PTPRK: variants seen among roughly 807,000 people sequenced by gnomAD.
PTPRK encodes the protein protein tyrosine phosphatase receptor type K, also known as receptor-type tyrosine-protein phosphatase kappa.
A neutral mutation model predicts 178.0 loss-of-function variants in PTPRK; 75 were observed. The observed-to-expected ratio is 0.42, with a 90% CI of 0.35 to 0.51. The LOEUF (loss-of-function observed/expected upper bound fraction) is 0.51, where lower values mean the gene tolerates loss of function less well. Among genes scored for constraint, PTPRK ranks in the 20% least tolerant of loss-of-function variants. PTPRK has a pLI of 0.02. For synonymous variants in PTPRK, 637 were observed against 620.6 expected, an observed-to-expected ratio of 1.03 and a Z score of -0.39; for missense variants, 1,441 against 1,797.8, an observed-to-expected ratio of 0.80 and a Z score of 3.59.
intron 6 of PTPRK, among the ~76,000 whole-genome samples, chr6:128,202,879 C>T (rs556822603): frequency 3.9e-5 from 6 of 152,164 alleles, no homozygotes; most frequent in Admixed American, 1.3e-4. Context: ...ATTAAGAAGG[C>T]GGGATTCTTC....
chr6:128,054,078 C>A (rs1779500437), intron 13 of PTPRK, among the ~76,000 whole-genome samples: 1 of 152,284 alleles, frequency 6.6e-6, no homozygotes, highest in African/African-American at 2.4e-5. Context: ...GTTGCCTTTA[C>A]AATGCAGTTT....
chr6:128,370,821 A>C (rs1314600241), intron 2 of PTPRK, among the ~76,000 whole-genome samples: 1 of 152,182 alleles, frequency 6.6e-6, no homozygotes, highest in African/African-American at 2.4e-5. Flanking sequence ...TTCATCATTA[A>C]AGTCAAATCT....
chr6:128,431,824 G>C (rs1195846010), intron 1 of PTPRK, among the ~76,000 whole-genome samples: 1 of 152,198 alleles, frequency 6.6e-6, no homozygotes, highest in Non-Finnish European at 1.5e-5. Context: ...AGCCAAGAGA[G>C]AATCCAAATG....
chr6:128,114,567 G>A (rs558767871), intron 7 of PTPRK, among the ~76,000 whole-genome samples: 31 of 150,394 alleles, frequency 2.1e-4, no homozygotes, highest in East Asian at 5.9e-4. Flanking sequence ...AGGTTGCAAT[G>A]AGCCAAGGTC....
At chr6:127,978,912 T>TCA (rs1415791438) in intron 25 of PTPRK, among the ~76,000 whole-genome samples, 1 of 152,222 alleles carries the variant, frequency 6.6e-6, no homozygotes, top group Admixed American at 6.5e-5. Flanking sequence ...AACCCTGTTC[T>TCA]TGTAAATCAA....
At chr6:128,127,703 T>C (rs1453014153) in intron 7 of PTPRK, among the ~76,000 whole-genome samples, 1 of 152,188 alleles carries the variant, frequency 6.6e-6, no homozygotes, top group African/African-American at 2.4e-5. Context: ...AAAATGGCTA[T>C]TTACAAACTC....
chr6:128,075,707 T>C (rs1445264847), intron 11 of PTPRK, among the ~76,000 whole-genome samples: 1 of 152,054 alleles, frequency 6.6e-6, no homozygotes, highest in Non-Finnish European at 1.5e-5. Flanking sequence ...ATAGAATCCA[T>C]TGGCGATTTT....
intron 1 of PTPRK, among the ~76,000 whole-genome samples, chr6:128,486,698 G>A (rs1303846496): frequency 5.3e-5 from 8 of 151,934 alleles, no homozygotes; most frequent in African/African-American, 1.9e-4. Context: ...CACCTACTGG[G>A]GAGGCTGAGG....
chr6:128,442,348 C>T (rs1169546434), intron 1 of PTPRK, among the ~76,000 whole-genome samples: 1 of 152,248 alleles, frequency 6.6e-6, no homozygotes, highest in East Asian at 1.9e-4. Context: ...TCTTTTCCTT[C>T]AATGGTGGTG....
At chr6:128,018,202 C>T (rs1320354305) in intron 13 of PTPRK, among the ~76,000 whole-genome samples, 1 of 151,994 alleles carries the variant, frequency 6.6e-6, no homozygotes, top group Non-Finnish European at 1.5e-5. Context: ...GTTACCAATA[C>T]ATTATAAACT....
intron 6 of PTPRK, among the ~76,000 whole-genome samples, chr6:128,193,060 T>G (rs565371887): frequency 6.6e-6 from 1 of 152,182 alleles, no homozygotes; most frequent in South Asian, 2.1e-4. Context: ...CTTTATTTAT[T>G]TACTTATTTA....
intron 1 of PTPRK, among the ~76,000 whole-genome samples, chr6:128,464,636 C>CATATATATATAT (rs1332123195): frequency 7.4e-5 from 3 of 40,744 alleles, no homozygotes; most frequent in Non-Finnish European, 1.1e-4. Flanking sequence ...TATATATATA[C>CATATATATATAT]ACATATATAT....
At chr6:128,085,717 T>C (rs1360898173) in intron 8 of PTPRK, among the ~76,000 whole-genome samples, 1 of 152,256 alleles carries the variant, frequency 6.6e-6, no homozygotes, top group Non-Finnish European at 1.5e-5. Context: ...TTCTATGCTC[T>C]TACAGTTTTT....
At chr6:128,495,710 AT>A (rs1203841025) in intron 1 of PTPRK, among the ~76,000 whole-genome samples, 15 of 152,166 alleles carry the variant, frequency 9.9e-5, no homozygotes, top group African/African-American at 3.6e-4. Flanking sequence ...GGCGATACTT[AT>A]GAAAATTTGA....
At chr6:128,106,670 T>A (rs902035615) in intron 7 of PTPRK, among the ~76,000 whole-genome samples, 1 of 152,196 alleles carries the variant, frequency 6.6e-6, no homozygotes, top group Non-Finnish European at 1.5e-5. Context: ...ATGCAAACTG[T>A]CTTTTTATCT....
At chr6:128,321,602 T>C (rs1273925754) in intron 3 of PTPRK, 2 of 560,404 alleles carry the variant, frequency 3.6e-6, no homozygotes, top group Admixed American at 7.2e-5. Flanking sequence ...TACATCACAT[T>C]TATTTCCCAA....
In PTPRK at chr6:128,307,555, A is replaced by G. The variant is rs918915961; in HGVS notation, c.495+14484T>C. On this transcript the variant is annotated intron_variant, in intron 3 of 29. Transcript: ENST00000368226. ...ACTGAAAAAATAAACCCAAGCCAAG[A>G]CAAGCATGTATTATTGTCAAATGAT... Among the ~76,000 whole-genome samples, 3 of 152,146 alleles carry G rather than the reference A, an allele frequency of 2.0e-5. No individual in the cohort carries two copies. The South Asian group carries it at 6.2e-4, about 32-fold the overall frequency.
intron 1 of PTPRK, among the ~76,000 whole-genome samples, chr6:128,471,392 T>C (rs1433495357): frequency 6.6e-6 from 1 of 151,652 alleles, no homozygotes; most frequent in African/African-American, 2.4e-5. Flanking sequence ...GGGCAGAAGA[T>C]TCTAGCTATT....
chr6:128,485,139 T>C (rs1445279613), intron 1 of PTPRK, among the ~76,000 whole-genome samples: 2 of 152,206 alleles, frequency 1.3e-5, no homozygotes, highest in African/African-American at 4.8e-5. Context: ...AGGAAAATTA[T>C]CAGAAATACC....
Sources: allele counts gnomAD v4.1 joint callset (sites outside exome capture counted in the v4.1 genomes callset), GRCh38; gene constraint gnomAD v4.1.1; transcripts MANE v1.5; gene names NCBI Gene and HGNC (gene_info 2026-07-23, HGNC 2026-07-21).